PCLO: variants seen among roughly 807,000 people sequenced by gnomAD.
PCLO encodes protein piccolo.
In PCLO, 82 loss-of-function variants were observed where a neutral mutation model predicts 427.5. That is an observed-to-expected ratio of 0.19 (90% CI 0.16 to 0.23). The LOEUF is 0.23. Among genes scored for constraint, PCLO ranks in the 10% least tolerant of loss-of-function variants. PCLO has a pLI of 1.00. For missense variants in PCLO, 6,239 were observed against 6,115.9 expected, an observed-to-expected ratio of 1.02 and a Z score of -0.67; for synonymous variants, 2,357 against 2,155.4, an observed-to-expected ratio of 1.09 and a Z score of -2.59.
chr7:82,998,261 A>C (rs1034035152), intron 3 of PCLO, among the ~76,000 whole-genome samples: 1 of 151,974 alleles, frequency 6.6e-6, no homozygotes, highest in Non-Finnish European at 1.5e-5. Context: ...ATCAGCAAGA[A>C]ACCTACTAGG....
intron 3 of PCLO, among the ~76,000 whole-genome samples, chr7:82,967,295 C>T (rs1310674212): frequency 6.6e-6 from 1 of 151,206 alleles, no homozygotes; most frequent in African/African-American, 2.4e-5. Flanking sequence ...CCTGCCTCAG[C>T]CTCCTGAGTA....
intron 3 of PCLO, among the ~76,000 whole-genome samples, chr7:83,081,296 G>A (rs545051273): frequency 1.3e-5 from 2 of 151,872 alleles, no homozygotes; most frequent in African/African-American, 4.8e-5. Context: ...GCCAAATACA[G>A]ATTTTATAAT....
chr7:82,946,658 G>C (rs538103406), intron 6 of PCLO, among the ~76,000 whole-genome samples: 9 of 152,082 alleles, frequency 5.9e-5, no homozygotes, highest in Non-Finnish European at 1.0e-4. Flanking sequence ...CATGGCCTGT[G>C]GTCGGAGCAG....
At chr7:82,913,361 C>A (rs1794369128) in intron 7 of PCLO, among the ~76,000 whole-genome samples, 1 of 151,896 alleles carries the variant, frequency 6.6e-6, no homozygotes, top group South Asian at 2.1e-4. Flanking sequence ...GGAAAAAAAT[C>A]CTTTTCACAA....
chr7:82,780,948 G>A (rs991051634), intron 22 of PCLO, among the ~76,000 whole-genome samples: 1 of 152,074 alleles, frequency 6.6e-6, no homozygotes, highest in East Asian at 1.9e-4. Context: ...TATAACTTTA[G>A]CTCACATAAT....
At chr7:82,779,819 G>A (rs777725217) in intron 22 of PCLO, among the ~76,000 whole-genome samples, 10 of 136,284 alleles carry the variant, frequency 7.3e-5, no homozygotes, top group African/African-American at 2.4e-4. Context: ...TTTATTATTC[G>A]TTTTCATCAT....
intron 6 of PCLO, among the ~76,000 whole-genome samples, chr7:82,922,840 G>A (rs1342377804): frequency 1.3e-5 from 2 of 151,968 alleles, no homozygotes; most frequent in Non-Finnish European, 2.9e-5. Flanking sequence ...CCATCATACT[G>A]CTAGAGAGAC....
intron 8 of PCLO, among the ~76,000 whole-genome samples, chr7:82,905,953 T>C (rs532391071): frequency 6.6e-6 from 1 of 151,998 alleles, no homozygotes; most frequent in East Asian, 2.0e-4. Context: ...AGGTTATCTG[T>C]GCAATTCACA....
chr7:82,955,971 C>T lies in PCLO; in HGVS notation c.4982G>A (p.Gly1661Glu). The T allele has an allele frequency of 6.2e-7, 1 of 1,613,576 alleles. No homozygotes were observed. Among genetic ancestry groups the T allele is most frequent in the Non-Finnish European group, 8.5e-7 (1 of 1,179,830 alleles). ...TGTTTTAAATCGGCGTAGCCCTCCT[C>T]CTCCAGTAACTACAAGTTCTTCACT... ...QESEELVVTG[G>E]GGLRRFKTIE... The change falls in exon 5 of 25, where the codon GGA becomes GAA. Residue 1661 changes from glycine (G) to glutamate (E), a missense_variant. Gly to Glu is a moderately conservative substitution (Grantham distance 98, BLOSUM62 -2). Transcript: ENST00000333891.
At chr7:83,033,343 CTAG>C (rs1406959967) in intron 3 of PCLO, among the ~76,000 whole-genome samples, 1 of 152,114 alleles carries the variant, frequency 6.6e-6, no homozygotes, top group Non-Finnish European at 1.5e-5. Context: ...GTTATATTAC[CTAG>C]TAGATTACTG....
At chr7:82,824,560 A>G in intron 18 of PCLO, 144 bp from the exon 19 acceptor site, 1 of 488,650 alleles carries the variant, frequency 2.0e-6, no homozygotes, top group South Asian at 4.1e-5. Flanking sequence ...TTTCTTCCTC[A>G]GTTTTCTTCA....
chr7:83,047,724 A>C (rs1423872379), intron 3 of PCLO, among the ~76,000 whole-genome samples: 1 of 152,144 alleles, frequency 6.6e-6, no homozygotes, highest in Non-Finnish European at 1.5e-5. Context: ...TCCTTTGAAG[A>C]AATATTTCAC....
At chr7:82,781,059 C>G (rs1279596205) in intron 22 of PCLO, among the ~76,000 whole-genome samples, 1 of 150,944 alleles carries the variant, frequency 6.6e-6, no homozygotes, top group Non-Finnish European at 1.5e-5. Context: ...AATCAAAACA[C>G]TAATAAATAT....
chr7:82,944,352 C>T (rs998714373), intron 6 of PCLO, among the ~76,000 whole-genome samples: 2 of 151,684 alleles, frequency 1.3e-5, no homozygotes, highest in African/African-American at 4.8e-5. Flanking sequence ...TATTATAGAG[C>T]ACCTATTATG....
rs570341919 is a variant in PCLO, at chr7:82,858,826, T to C, written c.13655-11579A>G. Among the ~76,000 whole-genome samples the C allele has an allele frequency of 2.6e-5, 4 of 152,114 alleles. No homozygotes were observed. The East Asian group carries it at 7.7e-4, about 29-fold the overall frequency. ...AAGAAACTAAAAAAGACACAAATAA[T>C]AGAAAAAATACTATGCGCCTATGGA... is the stretch of plus-strand genomic sequence containing the variant. On this transcript the variant is annotated intron_variant, in intron 10 of 24. Coordinates refer to ENST00000333891, the MANE Select transcript of PCLO (RefSeq NM_033026.6).
intron 19 of PCLO, among the ~76,000 whole-genome samples, chr7:82,822,967 T>G (rs1398833363): frequency 6.6e-6 from 1 of 152,102 alleles, no homozygotes; most frequent in Non-Finnish European, 1.5e-5. Context: ...AACTTTTAGT[T>G]TCACCAAGCA....
At position 82,950,814 on chromosome 7, in the gene PCLO, C is replaced by T; in HGVS notation, c.9774G>A (p.Glu3258=). The change falls in exon 6 of 25, where the codon GAG becomes GAA. Residue 3258 remains glutamate (E), a synonymous_variant. Coordinates refer to ENST00000333891, the MANE Select transcript of PCLO (RefSeq NM_033026.6). ...GGTGTTGCTTCATAGACTGCAGCTC[C>T]TCCAACTTTTTCTGAACCATGATCT... The part of the protein sequence containing the change: ...QEKIMVQKKL[E]ELQSMKQHLL... 6.2e-7 allele frequency: 1 copy of T among 1,613,692 alleles called. No homozygotes were observed. The highest frequency in any genetic ancestry group is 1.3e-5 in the African/African-American group (1 of 75,018).
At chr7:82,810,143 C>T (rs971069185) in intron 20 of PCLO, among the ~76,000 whole-genome samples, 1 of 113,156 alleles carries the variant, frequency 8.8e-6, no homozygotes, top group African/African-American at 2.8e-5. Context: ...TAATATATCT[C>T]TATTTTTTAT....
At chr7:82,886,342 A>G (rs1411580159) in intron 9 of PCLO, among the ~76,000 whole-genome samples, 1 of 150,788 alleles carries the variant, frequency 6.6e-6, no homozygotes, top group Non-Finnish European at 1.5e-5. Flanking sequence ...AGCTTTTAGC[A>G]TTATAATCCA....
Sources: allele counts gnomAD v4.1 joint callset (sites outside exome capture counted in the v4.1 genomes callset), GRCh38; gene constraint gnomAD v4.1.1; transcripts MANE v1.5; gene names NCBI Gene and HGNC (gene_info 2026-07-23, HGNC 2026-07-21).